GNB1: variants seen among roughly 807,000 people sequenced by gnomAD.
GNB1 encodes the protein G protein subunit beta 1, also known as guanine nucleotide-binding protein G(I)/G(S)/G(T) subunit beta-1.
A neutral mutation model predicts 42.9 loss-of-function variants in GNB1; 2 were observed. The ratio of observed to expected loss-of-function variants is 0.05; its 90% confidence interval spans 0.02 to 0.15. The LOEUF (loss-of-function observed/expected upper bound fraction) is 0.15. Ranked by LOEUF, GNB1 falls within the 10% of genes least tolerant of loss-of-function variation. GNB1 has a pLI of 1.00. For synonymous variants in GNB1, 183 were observed against 174.7 expected, an observed-to-expected ratio of 1.05 and a Z score of -0.38; for missense variants, 193 against 462.2, an observed-to-expected ratio of 0.42 and a Z score of 5.34.
chr1:1,890,168 C>T (rs1157103564), intron 1 of GNB1, among the ~76,000 whole-genome samples: 1 of 152,134 alleles, frequency 6.6e-6, no homozygotes, highest in African/African-American at 2.4e-5. Context: ...AGGAGAAGGG[C>T]GAGGCCACAG....
chr1:1,871,629 T>C (rs971914840), intron 1 of GNB1, among the ~76,000 whole-genome samples: 5 of 152,184 alleles, frequency 3.3e-5, no homozygotes, highest in African/African-American at 1.2e-4. Context: ...ACTTCCAGAC[T>C]GGACTCCAGG....
chr1:1,792,832 G>A (rs1557882089), intron 8 of GNB1, among the ~76,000 whole-genome samples: 2 of 152,066 alleles, frequency 1.3e-5, no homozygotes, highest in Admixed American at 6.6e-5. Flanking sequence ...TTGGGAGGCC[G>A]AGGTGGGCAG....
chr1:1,816,952 C>T (rs951693481), intron 4 of GNB1, among the ~76,000 whole-genome samples: 1 of 152,030 alleles, frequency 6.6e-6, no homozygotes, highest in East Asian at 1.9e-4. Context: ...GTGAAGTTCA[C>T]GTAACATCCA....
At chr1:1,874,605 TAAAAA>T (rs34864042) in intron 1 of GNB1, among the ~76,000 whole-genome samples, 5 of 47,024 alleles carry the variant, frequency 1.1e-4, no homozygotes, top group Admixed American at 7.9e-4. Flanking sequence ...AGACTCCATC[TAAAAA>T]AAAAAAAAAA....
chr1:1,810,714 T>C lies in GNB1; in HGVS notation c.204-4176A>G, dbSNP rs535121905. Among the ~76,000 whole-genome samples the C allele has an allele frequency of 2.3e-3, 347 of 151,578 alleles. 1 individual carries two copies. Among genetic ancestry groups the C allele is most frequent in the African/African-American group, 7.8e-3 (322 of 41,332 alleles). On this transcript the variant is annotated intron_variant, in intron 5 of 11. Transcript: ENST00000378609. ...ACAGAGTCTCACTCTGTCACCCAGG[T>C]TGGAGTGCAGTGGTGCAATCTTGGC... is the stretch of plus-strand genomic sequence containing the variant.
intron 1 of GNB1, among the ~76,000 whole-genome samples, chr1:1,846,664 C>T (rs1647686178): frequency 6.6e-6 from 1 of 152,142 alleles, no homozygotes; most frequent in African/African-American, 2.4e-5. Flanking sequence ...GCACAGCCAT[C>T]CTCTTGCCTC....
intron 1 of GNB1, among the ~76,000 whole-genome samples, chr1:1,874,544 T>A (rs899572284): frequency 2.2e-5 from 3 of 138,734 alleles, no homozygotes; most frequent in African/African-American, 8.1e-5. Flanking sequence ...GAGGCAGAGG[T>A]TGCAGTGAGA....
chr1:1,852,078 GA>G (rs568734098), intron 1 of GNB1, among the ~76,000 whole-genome samples: 64 of 145,492 alleles, frequency 4.4e-4, no homozygotes, highest in African/African-American at 8.5e-4. Context: ...CACTTTACTG[GA>G]AAAAAAAAAA....
chr1:1,877,899 C>A (rs771051535), intron 1 of GNB1, among the ~76,000 whole-genome samples: 6 of 152,318 alleles, frequency 3.9e-5, no homozygotes, highest in Non-Finnish European at 7.4e-5. Context: ...ACTGACAAAA[C>A]TGTTGGTAAC....
chr1:1,851,070 C>A (rs1046112194), intron 1 of GNB1, among the ~76,000 whole-genome samples: 2 of 151,974 alleles, frequency 1.3e-5, no homozygotes, highest in Non-Finnish European at 1.5e-5. Context: ...GAGTTTGAGA[C>A]CAGCCTGACC....
chr1:1,798,572 C>T (rs1646578177), intron 7 of GNB1, among the ~76,000 whole-genome samples: 1 of 152,136 alleles, frequency 6.6e-6, no homozygotes. Context: ...ATGATCCAGG[C>T]AAGGGCCGCC....
intron 1 of GNB1, among the ~76,000 whole-genome samples, chr1:1,885,468 T>C (rs1650095449): frequency 6.6e-6 from 1 of 151,610 alleles, no homozygotes; most frequent in African/African-American, 2.4e-5. Context: ...TCTGGTCTTT[T>C]AAATCAGTAA....
intron 1 of GNB1, among the ~76,000 whole-genome samples, chr1:1,881,035 C>T (rs1649817784): frequency 6.6e-6 from 1 of 152,104 alleles, no homozygotes; most frequent in Non-Finnish European, 1.5e-5. Flanking sequence ...TGCAAACACA[C>T]AGCCAGGAGT....
At chr1:1,845,866 CACACACGT>C (rs1436911340) in intron 1 of GNB1, among the ~76,000 whole-genome samples, 2 of 149,666 alleles carry the variant, frequency 1.3e-5, no homozygotes, top group Non-Finnish European at 3.0e-5. Context: ...CACACACACA[CACACACGT>C]ATATCTCCTA....
chr1:1,807,111 C>CA (rs1192663286), intron 5 of GNB1, among the ~76,000 whole-genome samples: 2 of 152,276 alleles, frequency 1.3e-5, no homozygotes, highest in East Asian at 3.9e-4. Flanking sequence ...TCACCCCTGG[C>CA]ACCCATTCCC....
At chr1:1,852,426 T>G (rs1432673459) in intron 1 of GNB1, among the ~76,000 whole-genome samples, 1 of 152,028 alleles carries the variant, frequency 6.6e-6, no homozygotes, top group South Asian at 2.1e-4. Flanking sequence ...GAGACGGTGT[T>G]TCACGATGTT....
intron 5 of GNB1, among the ~76,000 whole-genome samples, chr1:1,811,466 G>A (rs966649884): frequency 6.6e-5 from 10 of 152,054 alleles, no homozygotes; most frequent in African/African-American, 9.7e-5. Context: ...AGGCCGAGGC[G>A]AGCGGATCAC....
Position 1,786,292 on chromosome 1 carries a change from C to T in GNB1, c.*771G>A, listed in dbSNP as rs1227915484. 2.9e-5 allele frequency: 11 copies of T among 376,726 alleles called. No individual in the cohort carries two copies. The highest frequency in any genetic ancestry group is 4.7e-5 in the Non-Finnish European group (10 of 212,610). The allele number at this position is 376,726 out of a possible 1,614,324, so 23.3% of individuals were successfully genotyped here. A position where few individuals can be genotyped will look rare whatever the true frequency, so the allele number is the denominator to read the frequency against. On this transcript the variant is annotated 3_prime_UTR_variant, in exon 12 of 12. Transcript: ENST00000378609. ...TTAAAAACTCAACTGAGAAGATAGA[C>T]AGGATGGGTCAGGAGGAACATGGTG...
chr1:1,843,278 G>A (rs755945346), intron 1 of GNB1, among the ~76,000 whole-genome samples: 5 of 152,110 alleles, frequency 3.3e-5, no homozygotes, highest in Non-Finnish European at 5.9e-5. Context: ...GGAGTACAGT[G>A]GCACAATCAT....
Sources: gnomAD v4.1 joint callset for allele counts (sites outside exome capture counted in the v4.1 genomes callset) on GRCh38, gnomAD v4.1.1 for gene constraint, MANE v1.5 for transcripts, NCBI Gene and HGNC (gene_info 2026-07-23, HGNC 2026-07-21) for gene names.